THSD7B: variants seen among roughly 807,000 people sequenced by gnomAD.
THSD7B encodes the protein thrombospondin type 1 domain containing 7B, also known as thrombospondin type-1 domain-containing protein 7B.
Under a neutral mutation model 213.6 loss-of-function variants are expected in THSD7B, and 138 were observed. That is an observed-to-expected ratio of 0.65 (90% confidence interval 0.56 to 0.74). The LOEUF (loss-of-function observed/expected upper bound fraction) is 0.74, where lower values mean the gene tolerates loss of function less well. Among genes scored for constraint, THSD7B ranks in the 30% least tolerant of loss-of-function variants. THSD7B has a pLI of 0.00. For missense variants in THSD7B, 1,931 were observed against 1,991.5 expected (o/e 0.97, Z 0.58); for synonymous variants, 742 against 687.0 (o/e 1.08, Z -1.25).
At chr2:137,452,324 T>C (rs1184391534) in intron 15 of THSD7B, among the ~76,000 whole-genome samples, 1 of 152,042 alleles carries the variant, frequency 6.6e-6, no homozygotes, top group Admixed American at 6.6e-5. Flanking sequence ...CTCAAGATTT[T>C]GGTGACAGGA....
At chr2:137,618,604 T>C (rs1682454297) in intron 19 of THSD7B, 97 bp downstream of exon 19, 5 of 1,079,062 alleles carry the variant, frequency 4.6e-6, no homozygotes, top group Non-Finnish European at 6.7e-6. Flanking sequence ...CAGACTGATT[T>C]CTTCTCATCT....
chr2:137,311,818 G>T (rs1382006219), intron 12 of THSD7B, among the ~76,000 whole-genome samples: 1 of 148,926 alleles, frequency 6.7e-6, no homozygotes, highest in African/African-American at 2.5e-5. Context: ...TTATTGATTT[G>T]CGTATATTGA....
intron 15 of THSD7B, among the ~76,000 whole-genome samples, chr2:137,467,063 C>A (rs1688008391): frequency 6.6e-6 from 1 of 152,168 alleles, no homozygotes; most frequent in African/African-American, 2.4e-5. Context: ...CCTCATGCCT[C>A]ACTGACTGAA....
chr2:137,653,385 T>C (rs1260435266), intron 21 of THSD7B, among the ~76,000 whole-genome samples: 2 of 152,124 alleles, frequency 1.3e-5, no homozygotes, highest in African/African-American at 4.8e-5. Context: ...AAAGTTTGAT[T>C]ATTATGCGCC....
chr2:137,224,120 C>T (rs138368120), intron 7 of THSD7B, among the ~76,000 whole-genome samples: 20 of 152,208 alleles, frequency 1.3e-4, no homozygotes, highest in African/African-American at 2.9e-4. Flanking sequence ...GATTTTTGCT[C>T]GATTTGTTGT....
chr2:137,120,979 C>A (rs1363408163), intron 5 of THSD7B, among the ~76,000 whole-genome samples: 2 of 152,208 alleles, frequency 1.3e-5, no homozygotes, highest in East Asian at 3.9e-4. Context: ...AGTTAAGGAA[C>A]AAAAGAAACA....
intron 20 of THSD7B, among the ~76,000 whole-genome samples, chr2:137,628,739 T>C (rs1682683370): frequency 6.6e-6 from 1 of 152,202 alleles, no homozygotes; most frequent in South Asian, 2.1e-4. Context: ...TAAAGTCCTG[T>C]ATTGTGAACA....
chr2:136,864,384 AAAG>A (rs1166214412), intron 1 of THSD7B, among the ~76,000 whole-genome samples: 1 of 152,240 alleles, frequency 6.6e-6, no homozygotes, highest in Non-Finnish European at 1.5e-5. Context: ...GTAAGAGGAC[AAAG>A]AAGAATAAAA....
At chr2:136,825,154 C>A (rs1465523272) in intron 1 of THSD7B, among the ~76,000 whole-genome samples, 1 of 151,990 alleles carries the variant, frequency 6.6e-6, no homozygotes, top group African/African-American at 2.4e-5. Flanking sequence ...TTTAAGAGAA[C>A]AATGAAAAGA....
intron 10 of THSD7B, among the ~76,000 whole-genome samples, chr2:137,251,447 T>C (rs1682175794): frequency 1.3e-5 from 2 of 152,216 alleles, no homozygotes; most frequent in Non-Finnish European, 2.9e-5. Context: ...ACCTATTGAA[T>C]TGCTAATTTC....
chr2:137,239,651 A>G (rs150272425), intron 9 of THSD7B, among the ~76,000 whole-genome samples: 1,585 of 152,268 alleles, frequency 0.01, 21 homozygotes, highest in South Asian at 0.044. Context: ...AAAGTAATCA[A>G]CCTCAGCTCA....
At chr2:136,879,985 A>C (rs948588886) in intron 1 of THSD7B, among the ~76,000 whole-genome samples, 11 of 152,196 alleles carry the variant, frequency 7.2e-5, no homozygotes, top group African/African-American at 2.7e-4. Flanking sequence ...AGAAACCTAC[A>C]AAGAGACTTA....
At chr2:136,839,734 CT>C (rs796296929) in intron 1 of THSD7B, among the ~76,000 whole-genome samples, 1 of 151,884 alleles carries the variant, frequency 6.6e-6, no homozygotes, top group Non-Finnish European at 1.5e-5. Flanking sequence ...TTTCTTCTTC[CT>C]TTTTTTTCTG....
At chr2:137,337,209 T>G (rs112987917) in intron 12 of THSD7B, among the ~76,000 whole-genome samples, 56 of 152,202 alleles carry the variant, frequency 3.7e-4, no homozygotes, top group African/African-American at 1.3e-3. Flanking sequence ...ACTTTTGTTT[T>G]GTCTTGATTT....
At chr2:137,565,211 G>T (rs1681210773) in intron 16 of THSD7B, among the ~76,000 whole-genome samples, 2 of 152,128 alleles carry the variant, frequency 1.3e-5, no homozygotes, top group African/African-American at 4.8e-5. Flanking sequence ...GACCCAGTCT[G>T]TGGTATTTTA....
chr2:137,093,070 T>G (rs1360321107), intron 3 of THSD7B, among the ~76,000 whole-genome samples: 1 of 152,228 alleles, frequency 6.6e-6, no homozygotes, highest in Non-Finnish European at 1.5e-5. Flanking sequence ...TTGGTTGCCT[T>G]TGACTGAATA....
At chr2:137,260,262 TAAA>T (rs962705906) in intron 10 of THSD7B, among the ~76,000 whole-genome samples, 3 of 152,200 alleles carry the variant, frequency 2.0e-5, no homozygotes, top group Non-Finnish European at 4.4e-5. Flanking sequence ...ACTATGATAT[TAAA>T]AACAGTTTTA....
intron 20 of THSD7B, among the ~76,000 whole-genome samples, chr2:137,632,483 CT>C (rs1354841054): frequency 6.6e-6 from 1 of 152,138 alleles, no homozygotes; most frequent in Non-Finnish European, 1.5e-5. Context: ...TCTCTCTCAC[CT>C]TCTTGCATCC....
At chr2:136,827,770 T>TGA (rs56349408) in intron 1 of THSD7B, among the ~76,000 whole-genome samples, 2,500 of 146,406 alleles carry the variant, frequency 0.017, 43 homozygotes, top group African/African-American at 0.048. Context: ...TACACTGAAA[T>TGA]GAGAGAGAGA....
Sources: gnomAD v4.1 joint callset for allele counts (sites outside exome capture counted in the v4.1 genomes callset) on GRCh38, gnomAD v4.1.1 for gene constraint, MANE v1.5 for transcripts, NCBI Gene and HGNC (gene_info 2026-07-23, HGNC 2026-07-21) for gene names.